The following TSTD2 variants were observed in gnomAD, a reference collection of about 807,000 sequenced individuals.
TSTD2 encodes the protein thiosulfate sulfurtransferase/rhodanese-like domain-containing protein 2.
Under a neutral mutation model 47.9 loss-of-function variants are expected in TSTD2, and 37 were observed. The ratio of observed to expected loss-of-function variants is 0.77; its 90% CI spans 0.59 to 1.02. The LOEUF (loss-of-function observed/expected upper bound fraction) is 1.02, where lower values mean the gene tolerates loss of function less well. Ranked by LOEUF, TSTD2 falls within the 50% of genes least tolerant of loss-of-function variation. The probability of loss-of-function intolerance (pLI) is 0.00; values close to 1 mark genes in which losing one functional copy is unlikely to be tolerated. For missense variants in TSTD2, 586 were observed against 616.0 expected, an observed-to-expected ratio of 0.95 and a Z score of 0.52; for synonymous variants, 201 against 215.9, an observed-to-expected ratio of 0.93 and a Z score of 0.61.
chr9:97,614,654 G>A (rs564178689), intron 4 of TSTD2, among the ~76,000 whole-genome samples: 1 of 152,306 alleles, frequency 6.6e-6, no homozygotes, highest in South Asian at 2.1e-4. Context: ...CCATGTGAAG[G>A]TGCAGGGAAG....
intron 6 of TSTD2, 81 bp downstream of exon 6, chr9:97,610,265 A>T (rs1826434688): frequency 1.6e-6 from 2 of 1,278,888 alleles, no homozygotes; most frequent in East Asian, 2.5e-5. Context: ...ACTGCTGCTG[A>T]TCACAGTGCC....
At chr9:97,605,671 T>C in intron 7 of TSTD2, 30 bp from the exon 8 acceptor site, 1 of 1,613,782 alleles carries the variant, frequency 6.2e-7, no homozygotes. Flanking sequence ...AAAGGAAAAT[T>C]ATCAGAAAAA....
Position 97,601,004 on chromosome 9 carries a change from G to A in TSTD2, c.*1465C>T. ...GTCAAGAACTCCAGAGCACTGAGCA[G>A]AGAGGCTGGTGATGAAAAGGTGAAG... On this transcript the variant is annotated 3_prime_UTR_variant, in exon 10 of 10. Transcript: ENST00000341170. The A allele has an allele frequency of 7.8e-7, 1 of 1,283,552 alleles. No individual in the cohort carries two copies. Among genetic ancestry groups the A allele is most frequent in the Non-Finnish European group, 1.0e-6 (1 of 976,536 alleles). The allele number at this position is 1,283,552 out of a possible 1,614,324, so 79.5% of individuals were successfully genotyped here.
chr9:97,633,340 G>A lies in TSTD2; in HGVS notation c.-148C>T, dbSNP rs1454280796. ...GCCCTCGAGCCTATTCCCCCGCCGC[G>A]TATTTGGGTAGAAAAGCTCGCTCGT... On this transcript the variant is annotated 5_prime_UTR_variant, in exon 1 of 10. In the 5' UTR this introduces an upstream ATG that the reference lacks. Transcript: ENST00000341170. 8.4e-6 allele frequency: 3 copies of A among 357,382 alleles called. No individual in the cohort carries two copies. The highest frequency in any genetic ancestry group is 8.2e-5 in the East Asian group (2 of 24,272). The allele number at this position is 357,382 out of a possible 1,614,324, so 22.1% of individuals were successfully genotyped here.
At chr9:97,604,432 G>A (rs749587752) in intron 9 of TSTD2, 7 of 315,458 alleles carry the variant, frequency 2.2e-5, no homozygotes, top group Non-Finnish European at 4.1e-5. Context: ...TAGCCCAGTA[G>A]TACAGCTCTT....
chr9:97,624,795 C>T (rs1826693907), intron 3 of TSTD2, among the ~76,000 whole-genome samples: 1 of 151,998 alleles, frequency 6.6e-6, no homozygotes, highest in African/African-American at 2.4e-5. Flanking sequence ...ATGTAAGCTA[C>T]ATTTACCTGC....
chr9:97,614,579 G>GCT (rs200232847), intron 4 of TSTD2, among the ~76,000 whole-genome samples: 21,651 of 152,182 alleles, frequency 0.14, 2,037 homozygotes, highest in Middle Eastern at 0.35. Context: ...GATCTGGAGA[G>GCT]GACTACTTCA....
At chr9:97,612,883 T>C (rs1275111272) in intron 4 of TSTD2, among the ~76,000 whole-genome samples, 1 of 152,248 alleles carries the variant, frequency 6.6e-6, no homozygotes, top group Non-Finnish European at 1.5e-5. Context: ...TAAAATGGCA[T>C]AGCCTTCAGT....
intron 3 of TSTD2, among the ~76,000 whole-genome samples, chr9:97,619,274 T>A (rs1013288338): frequency 6.6e-6 from 1 of 152,146 alleles, no homozygotes; most frequent in African/African-American, 2.4e-5. Context: ...TGGCACTGAG[T>A]AGTAATGACA....
At chr9:97,625,025 T>C (rs1314762450) in intron 3 of TSTD2, among the ~76,000 whole-genome samples, 1 of 152,162 alleles carries the variant, frequency 6.6e-6, no homozygotes, top group African/African-American at 2.4e-5. Flanking sequence ...AAGTGTAAAG[T>C]TTGATCATTT....
In TSTD2 at chr9:97,602,637, G is replaced by C; in HGVS notation, c.1383C>G (p.Asp461Glu). The C allele has an allele frequency of 6.2e-7, 1 of 1,614,156 alleles. No individual in the cohort carries two copies. Among genetic ancestry groups the C allele is most frequent in the Non-Finnish European group, 8.5e-7 (1 of 1,180,038 alleles). ...GFTACCVTCQ[D>E]KGSRKVSGPM... ...GGCCTGAAACTTTCCTGCTCCCCTT[G>C]TCTTGACATGTGACACAACAGGCTG... Residue 461 changes from aspartate (D) to glutamate (E), a missense_variant, in exon 10 of 10, where the codon GAC becomes GAG. Asp to Glu is a conservative substitution (Grantham distance 45, BLOSUM62 2). Coordinates refer to ENST00000341170, the MANE Select transcript of TSTD2 (RefSeq NM_139246.5).
At position 97,604,733 on chromosome 9, in the gene TSTD2, C is replaced by T; in HGVS notation, c.1246G>A (p.Val416Met). The change falls in exon 9 of 10, where the codon GTG (valine) becomes ATG (methionine). Residue 416 changes from valine (V) to methionine (M), a missense_variant. Coordinates refer to ENST00000341170, the MANE Select transcript of TSTD2 (RefSeq NM_139246.5). ...RYALSYNSDV[V>M]SECSYCGARW... is the part of the protein sequence containing the mutation. ...TGAGCCTGTGCTGACCTACCTGACA[C>T]CACATCACTGTTGTAGGACAGAGCA... 6.2e-7 allele frequency: 1 copy of T among 1,614,202 alleles called. No individual in the cohort carries two copies. The highest frequency in any genetic ancestry group is 8.5e-7 in the Non-Finnish European group (1 of 1,180,026).
intron 1 of TSTD2, among the ~76,000 whole-genome samples, chr9:97,628,213 G>A (rs1826754170): frequency 6.6e-6 from 1 of 152,154 alleles, no homozygotes; most frequent in South Asian, 2.1e-4. Flanking sequence ...ACTGTAATAT[G>A]CCAGAAGAAA....
chr9:97,617,646 C>T, intron 4 of TSTD2, 111 bp downstream of exon 4: 1 of 1,367,390 alleles, frequency 7.3e-7, no homozygotes, highest in South Asian at 1.8e-5. Context: ...ATTTCCCTAA[C>T]TTTTAAGAAC....
At chr9:97,608,279 T>G (rs186461063) in intron 6 of TSTD2, among the ~76,000 whole-genome samples, 5 of 152,330 alleles carry the variant, frequency 3.3e-5, no homozygotes, top group Admixed American at 2.6e-4. Context: ...CTGCTATGAT[T>G]GCAGTTGTTC....
intron 1 of TSTD2, among the ~76,000 whole-genome samples, chr9:97,632,377 G>A (rs1319566713): frequency 1.4e-5 from 2 of 146,010 alleles, no homozygotes; most frequent in Non-Finnish European, 2.9e-5. Flanking sequence ...AAAGTCGTAG[G>A]AGACTTTTTT....
rs2131302781 is a variant in TSTD2 at position 97,602,038 on chromosome 9, G to A, written c.*431C>T. The A allele has an allele frequency of 6.2e-6, 1 of 160,420 alleles. No homozygotes were observed. Among genetic ancestry groups the A allele is most frequent in the Middle Eastern group, 3.0e-3 (1 of 334 alleles). 9.9% of individuals were successfully genotyped at this position (160,420 alleles called of 1,614,324 possible). A position where few individuals can be genotyped will look rare whatever the true frequency, so the allele number is the denominator to read the frequency against. Reference sequence around the variant, plus strand: ...CCTCAGGCGAGAGACAGAGGTTAAGGGTAGATGGCAGATGACCTAAGTGGC... The same window carrying A: ...CCTCAGGCGAGAGACAGAGGTTAAGAGTAGATGGCAGATGACCTAAGTGGC... On this transcript the variant is annotated 3_prime_UTR_variant, in exon 10 of 10. Coordinates refer to ENST00000341170, the MANE Select transcript of TSTD2 (RefSeq NM_139246.5).
In TSTD2 at chr9:97,601,688, T is replaced by A. The variant is rs995558720; in HGVS notation, c.*781A>T. 19 of 590,284 alleles carry A rather than the reference T, an allele frequency of 3.2e-5. No individual in the cohort carries two copies. The African/African-American group carries it at 3.6e-4, about 11-fold the overall frequency. The allele number at this position is 590,284 out of a possible 1,614,324, so 36.6% of individuals were successfully genotyped here. A position where few individuals can be genotyped will look rare whatever the true frequency, so the allele number is the denominator to read the frequency against. On this transcript the variant is annotated 3_prime_UTR_variant, in exon 10 of 10. Coordinates refer to ENST00000341170, the MANE Select transcript of TSTD2 (RefSeq NM_139246.5). ...TGCAACTATTCAACTCTGCCATAGATCATGTGTAAAGGAATGGGTGTGGCT... is the reference window on the plus strand; with the variant it reads ...TGCAACTATTCAACTCTGCCATAGAACATGTGTAAAGGAATGGGTGTGGCT...
chr9:97,619,847 C>T lies in TSTD2; in HGVS notation c.483-1970G>A, dbSNP rs1001903631. 3.9e-5 allele frequency among the ~76,000 whole-genome samples: 6 copies of T among 152,102 alleles called. No individual in the cohort carries two copies. In the South Asian group the frequency reaches 6.2e-4, roughly 16 times the overall value. On this transcript the variant is annotated intron_variant, in intron 3 of 9. Transcript: ENST00000341170. ...CCCCTAATCCTTGGATTCCTGACCC[C>T]GTGTTTTTCAAGGATCAACTGTATT...
Sources: allele counts gnomAD v4.1 joint callset (sites outside exome capture counted in the v4.1 genomes callset), GRCh38; gene constraint gnomAD v4.1.1; transcripts MANE v1.5; gene names NCBI Gene and HGNC (gene_info 2026-07-23, HGNC 2026-07-21).